The following EPDR1 variants were observed in gnomAD, a reference collection of about 807,000 sequenced individuals.
EPDR1 encodes ependymin related 1, also known as mammalian ependymin-related protein 1.
EPDR1 carries 27 observed loss-of-function variants against 23.7 expected under a neutral mutation model. That is an observed-to-expected ratio of 1.14 (90% confidence interval 0.84 to 1.57). The LOEUF (loss-of-function observed/expected upper bound fraction) is 1.57, where lower values mean the gene tolerates loss of function less well. Ranked by LOEUF, EPDR1 falls within the 40% of genes most tolerant of loss-of-function variation. The pLI, the probability that EPDR1 is intolerant of heterozygous loss-of-function variation, is 0.00. For missense variants in EPDR1, 349 were observed against 290.4 expected, an observed-to-expected ratio of 1.20 and a Z score of -1.47; for synonymous variants, 137 against 118.2, an observed-to-expected ratio of 1.16 and a Z score of -1.03.
At position 37,947,054 on chromosome 7, in the gene EPDR1, T is replaced by G. The variant is rs181007112; in HGVS notation, c.270-1786T>G. Among the ~76,000 whole-genome samples the G allele has an allele frequency of 3.9e-5, 6 of 152,296 alleles. No individual in the cohort carries two copies. The East Asian group carries it at 1.2e-3, about 29-fold the overall frequency. ...ACAATGTTTATAAAGCCTACAGAAGTGTATAGAAATGTCCTAGGCCTTCAC... is the reference window on the plus strand; with the variant it reads ...ACAATGTTTATAAAGCCTACAGAAGGGTATAGAAATGTCCTAGGCCTTCAC... On this transcript the variant is annotated intron_variant, in intron 1 of 2. Coordinates refer to ENST00000199448, the MANE Select transcript of EPDR1 (RefSeq NM_017549.5).
At chr7:37,932,538 A>G (rs1271059331) in intron 1 of EPDR1, among the ~76,000 whole-genome samples, 6 of 152,248 alleles carry the variant, frequency 3.9e-5, no homozygotes, top group African/African-American at 1.4e-4. Context: ...AAAATAAAAA[A>G]TAAGATTTAT....
chr7:37,921,043 C>T lies in EPDR1; in HGVS notation c.104C>T (p.Ala35Val), dbSNP rs139253449. ...CTGTGCGGCCTGTGCAGCCTGGGGG[C>T]GGTGGGAGCCCCGCGCCCGTGCCAG... ...WTLCGLCSLG[A>V]VGAPRPCQAP... is the part of the protein sequence containing the mutation. The change falls in exon 1 of 3, where the codon GCG becomes GTG. Residue 35 changes from alanine to valine, a missense_variant. By Grantham distance (64) the Ala-to-Val change is moderately conservative. Transcript: ENST00000199448. The T allele has an allele frequency of 2.0e-6, 3 of 1,531,928 alleles. No individual in the cohort carries two copies. The highest frequency in any genetic ancestry group is 4.9e-5 in the East Asian group (2 of 40,964). 94.9% of individuals were successfully genotyped at this position (1,531,928 alleles called of 1,614,324 possible). A position where few individuals can be genotyped will look rare whatever the true frequency, so the allele number is the denominator to read the frequency against.
intron 1 of EPDR1, among the ~76,000 whole-genome samples, chr7:37,929,274 C>T (rs746380628): frequency 6.6e-6 from 1 of 152,208 alleles, no homozygotes; most frequent in Non-Finnish European, 1.5e-5. Context: ...TCATCTCCCC[C>T]ACCTTCCCTC....
At chr7:37,937,706 C>A (rs1786082213) in intron 1 of EPDR1, among the ~76,000 whole-genome samples, 1 of 152,162 alleles carries the variant, frequency 6.6e-6, no homozygotes, top group African/African-American at 2.4e-5. Flanking sequence ...TGGAGATACT[C>A]AGATTGTTCA....
At chr7:37,935,826 T>A (rs540030425) in intron 1 of EPDR1, among the ~76,000 whole-genome samples, 1 of 151,420 alleles carries the variant, frequency 6.6e-6, no homozygotes, top group South Asian at 2.1e-4. Context: ...AAATATGAGA[T>A]GGGAATTTCA....
chr7:37,948,641 C>T (rs1786331527), intron 1 of EPDR1, among the ~76,000 whole-genome samples, 199 bp from the exon 2 acceptor site: 2 of 152,210 alleles, frequency 1.3e-5, no homozygotes, highest in African/African-American at 2.4e-5. Context: ...AGCCATCATG[C>T]TCGGTCTGAC....
At position 37,948,866 on chromosome 7, in the gene EPDR1, A is replaced by C; in HGVS notation, c.296A>C (p.Lys99Thr). The change falls in exon 2 of 3, where the codon AAG becomes ACG. Residue 99 changes from lysine (K) to threonine (T), a missense_variant. Transcript: ENST00000199448. ...TTATTTGAATATATTTTGCTGTATA[A>C]GGATGGAGTGATGTTTCAGATTGAC... ...KRLFEYILLY[K>T]DGVMFQIDQA... 1 of 1,614,122 alleles carries C rather than the reference A, an allele frequency of 6.2e-7. No homozygotes were observed. The highest frequency in any genetic ancestry group is 1.3e-5 in the African/African-American group (1 of 75,048).
intron 1 of EPDR1, among the ~76,000 whole-genome samples, chr7:37,925,046 AG>A (rs1311198726): frequency 6.6e-6 from 1 of 152,246 alleles, no homozygotes. Context: ...CAACTTTACA[AG>A]CTTCAGATAA....
In EPDR1 at chr7:37,950,289, C is replaced by T. The variant is rs750207754; in HGVS notation, c.568C>T (p.Arg190Trp). Reference protein sequence around the residue: ...TINYSVILSTRFFDIQLGIKD... With the variant: ...TINYSVILSTWFFDIQLGIKD... ...AAACTACAGTGTGATATTGTCTACGCGGTTTTTTGACATCCAGCTGGGTAT... is the reference window on the plus strand; with the variant it reads ...AAACTACAGTGTGATATTGTCTACGTGGTTTTTTGACATCCAGCTGGGTAT... The change falls in exon 3 of 3, where the codon CGG becomes TGG. Residue 190 changes from arginine to tryptophan, a missense_variant. Transcript: ENST00000199448. The T allele has an allele frequency of 4.1e-5, 66 of 1,614,064 alleles. 1 individual carries two copies. Among genetic ancestry groups the T allele is most frequent in the Middle Eastern group, 1.6e-4 (1 of 6,062 alleles).
chr7:37,935,676 T>A (rs1344610603), intron 1 of EPDR1, among the ~76,000 whole-genome samples: 1 of 151,958 alleles, frequency 6.6e-6, no homozygotes, highest in East Asian at 1.9e-4. Context: ...TAGAAAGTTT[T>A]TTTTCCCTGC....
intron 1 of EPDR1, among the ~76,000 whole-genome samples, chr7:37,942,270 G>A (rs1205085178): frequency 2.0e-5 from 3 of 152,148 alleles, no homozygotes; most frequent in African/African-American, 4.8e-5. Flanking sequence ...ACATACAGTG[G>A]GATGTTATTC....
intron 1 of EPDR1, among the ~76,000 whole-genome samples, chr7:37,930,860 A>C (rs963433380): frequency 2.0e-5 from 3 of 152,240 alleles, no homozygotes; most frequent in African/African-American, 7.2e-5. Flanking sequence ...CAATTTCTGC[A>C]GTTGTTAAAA....
intron 1 of EPDR1, among the ~76,000 whole-genome samples, chr7:37,924,339 A>G (rs1785774126): frequency 6.6e-6 from 1 of 152,254 alleles, no homozygotes; most frequent in Admixed American, 6.5e-5. Context: ...GTAATCAGGC[A>G]AAGGCAAAGT....
chr7:37,924,045 AC>A (rs1785768331), intron 1 of EPDR1, among the ~76,000 whole-genome samples: 1 of 152,224 alleles, frequency 6.6e-6, no homozygotes, highest in African/African-American at 2.4e-5. Context: ...TCCTTTGGGA[AC>A]AACCTTCGAG....
At chr7:37,947,507 T>C (rs1192474314) in intron 1 of EPDR1, among the ~76,000 whole-genome samples, 7 of 152,188 alleles carry the variant, frequency 4.6e-5, no homozygotes, top group African/African-American at 1.7e-4. Flanking sequence ...AAGAAAATAG[T>C]TTTTAAGCTC....
rs748258382 is a variant in EPDR1, at chr7:37,948,997, C to T, written c.427C>T (p.Gln143Ter). 1 of 1,614,168 alleles carries T rather than the reference C, an allele frequency of 6.2e-7. No homozygotes were observed. ...AGACCAGTACTCCATCGGGGGGCCT[C>T]AGGAGCAGATCACCGTCCAGGAGTG... Reference protein sequence around the residue: ...FEDQYSIGGPQEQITVQEWSD... With the variant: ...FEDQYSIGGP Residue 143 changes from glutamine (Q) to a stop codon, truncating the protein, a stop_gained, in exon 2 of 3, where the codon CAG (glutamine) becomes TAG (stop). Coordinates refer to ENST00000199448, the MANE Select transcript of EPDR1 (RefSeq NM_017549.5). LOFTEE classifies it high-confidence loss of function.
In EPDR1 at chr7:37,950,518, C is replaced by A; in HGVS notation, c.*122C>A. The A allele has an allele frequency of 2.1e-6, 2 of 946,628 alleles. No individual in the cohort carries two copies. The highest frequency in any genetic ancestry group is 3.1e-6 in the Non-Finnish European group (2 of 648,300). The allele number at this position is 946,628 out of a possible 1,614,324, so 58.6% of individuals were successfully genotyped here. A position where few individuals can be genotyped will look rare whatever the true frequency, so the allele number is the denominator to read the frequency against. On this transcript the variant is annotated 3_prime_UTR_variant, in exon 3 of 3. Transcript: ENST00000199448. ...AGAGAAATATAATTTTAGGAAGATG[C>A]ACATTGATGTGGGGTTTTGATGTGT...
intron 1 of EPDR1, among the ~76,000 whole-genome samples, chr7:37,923,684 C>A (rs1485453154): frequency 6.6e-6 from 1 of 151,278 alleles, no homozygotes; most frequent in African/African-American, 2.4e-5. Flanking sequence ...TTTTTTTTTA[C>A]AATTAAAAAA....
intron 1 of EPDR1, among the ~76,000 whole-genome samples, chr7:37,940,244 A>T (rs1408115892): frequency 6.6e-6 from 1 of 152,246 alleles, no homozygotes; most frequent in Non-Finnish European, 1.5e-5. Flanking sequence ...ACAGGCATGC[A>T]GGAAAAATAA....
Sources: gnomAD v4.1 joint callset for allele counts (sites outside exome capture counted in the v4.1 genomes callset) on GRCh38, gnomAD v4.1.1 for gene constraint, MANE v1.5 for transcripts, NCBI Gene and HGNC (gene_info 2026-07-23, HGNC 2026-07-21) for gene names.